Variants in ANK2 observed in about 807,000 individuals in gnomAD.
ANK2 encodes ankyrin 2.
A neutral mutation model predicts 360.5 loss-of-function variants in ANK2; 83 were observed. The ratio of observed to expected loss-of-function variants is 0.23; its 90% CI spans 0.19 to 0.28. The LOEUF is 0.28. Ranked by LOEUF, ANK2 falls within the 10% of genes least tolerant of loss-of-function variation. ANK2 has a pLI of 1.00. For synonymous variants in ANK2, 1,740 were observed against 1,759.5 expected (o/e 0.99, Z 0.28); for missense variants, 4,201 against 4,795.7 (o/e 0.88, Z 3.66).
chr4:112,979,220 G>T (rs1266735906), intron 2 of ANK2, among the ~76,000 whole-genome samples: 1 of 152,168 alleles, frequency 6.6e-6, no homozygotes, highest in Non-Finnish European at 1.5e-5. Flanking sequence ...GTGAGTGTGG[G>T]GTCCGACCAC....
chr4:112,724,266 T>C, the ANK2 span, among the ~76,000 whole-genome samples: 2 of 152,088 alleles, frequency 1.3e-5, no homozygotes, highest in Non-Finnish European at 2.9e-5. Context: ...TGTCTCACCA[T>C]GTTGGCTAGG....
At chr4:113,170,886 A>G (rs2097917836) in intron 1 of ANK2, among the ~76,000 whole-genome samples, 1 of 152,194 alleles carries the variant, frequency 6.6e-6, no homozygotes, top group African/African-American at 2.4e-5. Context: ...CATCTGTTGC[A>G]GATTAAAATA....
At chr4:113,315,896 CAAAAAAAAAA>C (rs70961811) in intron 24 of ANK2, among the ~76,000 whole-genome samples, 4 of 49,316 alleles carry the variant, frequency 8.1e-5, no homozygotes, top group Non-Finnish European at 1.4e-4. Context: ...GACTCCGTCT[CAAAAAAAAAA>C]AAAAAAAAAA....
chr4:113,195,820 T>C (rs1350005111), intron 2 of ANK2, among the ~76,000 whole-genome samples: 1 of 152,254 alleles, frequency 6.6e-6, no homozygotes. Context: ...AATTTTCTTC[T>C]AAGTTTTTTC....
At chr4:113,175,788 C>T (rs987087967) in intron 2 of ANK2, among the ~76,000 whole-genome samples, 1 of 152,134 alleles carries the variant, frequency 6.6e-6, no homozygotes, top group African/African-American at 2.4e-5. Flanking sequence ...CAGGATTTCC[C>T]TCCTTCTTCT....
At chr4:113,371,060 A>C (rs1451881376) in intron 43 of ANK2, among the ~76,000 whole-genome samples, 1 of 152,214 alleles carries the variant, frequency 6.6e-6, no homozygotes, top group Non-Finnish European at 1.5e-5. Flanking sequence ...GAATTCAAAA[A>C]CACTTTATAT....
At chr4:113,134,930 A>G (rs2096299722) in intron 1 of ANK2, among the ~76,000 whole-genome samples, 1 of 152,220 alleles carries the variant, frequency 6.6e-6, no homozygotes, top group South Asian at 2.1e-4. Flanking sequence ...TTTAGACATT[A>G]GAAGTGGCAT....
intron 2 of ANK2, among the ~76,000 whole-genome samples, chr4:113,180,206 A>G (rs1001054911): frequency 1.3e-5 from 2 of 152,234 alleles, no homozygotes; most frequent in Non-Finnish European, 2.9e-5. Context: ...TGGAAGTCAC[A>G]TTAACAATGT....
intron 4 of ANK2, chr4:113,214,310 T>A (rs2099061825): frequency 1.9e-6 from 2 of 1,026,922 alleles, no homozygotes; most frequent in Non-Finnish European, 3.0e-6. Context: ...TGGGCACGCA[T>A]CGGGCACAGT....
At chr4:113,255,996 A>C in intron 11 of ANK2, 64 bp downstream of exon 11, 1 of 1,542,540 alleles carries the variant, frequency 6.5e-7, no homozygotes, top group Non-Finnish European at 8.9e-7. Context: ...ACATTCATTG[A>C]CCAACATGCA....
At chr4:113,134,114 T>C (rs547644573) in intron 1 of ANK2, among the ~76,000 whole-genome samples, 6 of 151,988 alleles carry the variant, frequency 3.9e-5, no homozygotes, top group Admixed American at 2.0e-4. Context: ...ATGATCAAAA[T>C]AGCATCAAGG....
intron 1 of ANK2, among the ~76,000 whole-genome samples, chr4:113,078,981 A>G (rs1023439627): frequency 6.6e-6 from 1 of 152,222 alleles, no homozygotes; most frequent in African/African-American, 2.4e-5. Context: ...AGGCTATTTC[A>G]TTAAACCCAT....
chr4:113,082,459 A>G (rs2082796868), intron 1 of ANK2, among the ~76,000 whole-genome samples: 1 of 152,152 alleles, frequency 6.6e-6, no homozygotes, highest in African/African-American at 2.4e-5. Flanking sequence ...TCTTATTTGT[A>G]TAGAATCATA....
chr4:113,159,466 A>G (rs1210028361), intron 1 of ANK2, among the ~76,000 whole-genome samples: 1 of 152,166 alleles, frequency 6.6e-6, no homozygotes, highest in Non-Finnish European at 1.5e-5. Context: ...ATATTACTGC[A>G]TGTTTTACAT....
chr4:113,031,256 GA>G (rs1198648233), intron 2 of ANK2: 2 of 151,878 alleles, frequency 1.3e-5, no homozygotes, highest in African/African-American at 4.8e-5. Flanking sequence ...AGATGCATTA[GA>G]AAAAAATTAC....
At chr4:113,362,440 T>TTTTTG (rs1167392251) in intron 39 of ANK2, among the ~76,000 whole-genome samples, 7 of 152,040 alleles carry the variant, frequency 4.6e-5, no homozygotes, top group Non-Finnish European at 8.8e-5. Flanking sequence ...TGTTATTTTG[T>TTTTTG]TTTTGTTTTG....
At chr4:113,315,718 G>T (rs987331045) in intron 24 of ANK2, among the ~76,000 whole-genome samples, 1 of 151,940 alleles carries the variant, frequency 6.6e-6, no homozygotes. Context: ...CTAACACGGT[G>T]AAACCCTGTC....
intron 4 of ANK2, among the ~76,000 whole-genome samples, chr4:113,200,148 A>G (rs2098809507): frequency 6.6e-6 from 1 of 152,226 alleles, no homozygotes; most frequent in African/African-American, 2.4e-5. Context: ...CTTACAACTC[A>G]AACCTTCAGT....
chr4:113,064,654 G>A (rs187405628), intron 1 of ANK2, among the ~76,000 whole-genome samples: 2 of 152,312 alleles, frequency 1.3e-5, no homozygotes, highest in East Asian at 3.9e-4. Context: ...TATGGCCCGT[G>A]TTGTTCTTTG....
Sources: allele counts gnomAD v4.1 joint callset (sites outside exome capture counted in the v4.1 genomes callset), GRCh38; gene constraint gnomAD v4.1.1; transcripts MANE v1.5; gene names NCBI Gene and HGNC (gene_info 2026-07-23, HGNC 2026-07-21).